ADGRD1: variants seen among roughly 807,000 people sequenced by gnomAD.
ADGRD1 encodes adhesion G protein-coupled receptor D1.
ADGRD1 carries 77 observed loss-of-function variants against 113.4 expected under a neutral mutation model. That is an observed-to-expected ratio of 0.68 (90% CI 0.57 to 0.82). The LOEUF (loss-of-function observed/expected upper bound fraction) is 0.82, where lower values mean the gene tolerates loss of function less well. Ranked by LOEUF, ADGRD1 falls within the 40% of genes least tolerant of loss-of-function variation. The pLI is 0.00. For synonymous variants in ADGRD1, 474 were observed against 475.0 expected, an observed-to-expected ratio of 1.00 and a Z score of 0.03; for missense variants, 1,036 against 1,139.1, an observed-to-expected ratio of 0.91 and a Z score of 1.30.
chr12:131,073,886 A>G lies in ADGRD1; in HGVS notation c.1474-2915A>G, dbSNP rs547496098. 5.8e-4 allele frequency among the ~76,000 whole-genome samples: 88 copies of G among 152,296 alleles called. No individual in the cohort carries two copies. The South Asian group carries it at 7.7e-3, about 13-fold the overall frequency. On this transcript the variant is annotated intron_variant, in intron 13 of 24. Transcript: ENST00000261654. ...ACTCCCATAACAGTGACATTAATCC[A>G]TTCCTGAGGGCTCAGCCCTCATGAC...
At chr12:131,014,381 T>A in intron 13 of ADGRD1, 41 bp downstream of exon 13, 1 of 1,581,010 alleles carries the variant, frequency 6.3e-7, no homozygotes, top group Non-Finnish European at 8.6e-7. Flanking sequence ...GCCTTTGATC[T>A]GGTTTCACAC....
chr12:130,965,069 C>T lies in ADGRD1; in HGVS notation c.104-1394C>T, dbSNP rs1470769837. On this transcript the variant is annotated intron_variant, in intron 2 of 24. Transcript: ENST00000261654. This position sits in a 1 kb window ranked among gnomAD's most constrained non-coding sequence, Gnocchi z 4.8. Reference sequence around the variant, plus strand: ...ATGCATTCGAGGGTGCTTTCACATCCCTCAGAATTATTATTTTTTATTTTC... The same window carrying T: ...ATGCATTCGAGGGTGCTTTCACATCTCTCAGAATTATTATTTTTTATTTTC... Among the ~76,000 whole-genome samples the T allele has an allele frequency of 6.6e-6, 1 of 152,122 alleles. No individual in the cohort carries two copies. The highest frequency in any genetic ancestry group is 2.4e-5 in the African/African-American group (1 of 41,428).
chr12:131,129,034 T>C (rs1950826247), intron 20 of ADGRD1, among the ~76,000 whole-genome samples: 1 of 80,806 alleles, frequency 1.2e-5, no homozygotes, highest in Admixed American at 1.4e-4. Context: ...CCCGCCCTGC[T>C]GTCTGGTGTG....
At chr12:131,094,123 T>C (rs1727360) in intron 15 of ADGRD1, among the ~76,000 whole-genome samples, 1 of 133,410 alleles carries the variant, frequency 7.5e-6, no homozygotes. Flanking sequence ...CCAGCCTCGG[T>C]ACCCAGCCCT....
In ADGRD1 at chr12:131,135,983, C is replaced by T. The variant is rs937516600; in HGVS notation, c.2268-54C>T. On this transcript the variant is annotated intron_variant, in intron 21 of 24. Transcript: ENST00000261654. ...CCTGGCGTCTCGAGGGCAGTCCTCACAGCCTGCACCTGCCCTCCTGCCACT... is the reference window on the plus strand; with the variant it reads ...CCTGGCGTCTCGAGGGCAGTCCTCATAGCCTGCACCTGCCCTCCTGCCACT... The T allele has an allele frequency of 1.6e-5, 25 of 1,604,460 alleles. No individual in the cohort carries two copies. The South Asian group carries it at 2.0e-4, about 13-fold the overall frequency.
At position 130,999,577 on chromosome 12, in the gene ADGRD1, C is replaced by T. The variant is rs140162146; in HGVS notation, c.967-806C>T. Among the ~76,000 whole-genome samples the T allele has an allele frequency of 2.1e-3, 326 of 152,264 alleles. 1 individual carries two copies. Among genetic ancestry groups the T allele is most frequent in the African/African-American group, 7.2e-3 (300 of 41,560 alleles). Reference sequence around the variant, plus strand: ...GGTTTGGTGGAAATATGGGAGAGTTCGGTCAGCCTCTAAGTTTAATTCTGA... The same window carrying T: ...GGTTTGGTGGAAATATGGGAGAGTTTGGTCAGCCTCTAAGTTTAATTCTGA... On this transcript the variant is annotated intron_variant, in intron 8 of 24. Coordinates refer to ENST00000261654, the MANE Select transcript of ADGRD1 (RefSeq NM_198827.5).
chr12:131,114,633 A>G (rs1229616243), intron 18 of ADGRD1, among the ~76,000 whole-genome samples: 4 of 152,084 alleles, frequency 2.6e-5, no homozygotes, highest in Non-Finnish European at 4.4e-5. Context: ...CACCCAGAGC[A>G]TGGTGGGGGG....
At chr12:131,067,548 G>T (rs974713140) in intron 13 of ADGRD1, among the ~76,000 whole-genome samples, 21 of 149,192 alleles carry the variant, frequency 1.4e-4, no homozygotes, top group African/African-American at 5.2e-4. Flanking sequence ...AGCAGGGGCT[G>T]CCCTCTGCCT....
intron 4 of ADGRD1, among the ~76,000 whole-genome samples, chr12:130,979,817 T>TCTCACACACACACA (rs1491498051): frequency 3.5e-4 from 19 of 53,842 alleles, no homozygotes; most frequent in East Asian, 1.7e-3. Context: ...AGCTAGTGTC[T>TCTCACACACACACA]CACACACACA....
chr12:131,012,909 G>A (rs1036268634), intron 12 of ADGRD1, among the ~76,000 whole-genome samples: 35 of 152,174 alleles, frequency 2.3e-4, no homozygotes, highest in African/African-American at 6.5e-4. Context: ...CGGGGGGCCC[G>A]GTGACAGCAC....
chr12:131,021,944 C>T (rs952667601), intron 13 of ADGRD1, among the ~76,000 whole-genome samples: 3 of 152,118 alleles, frequency 2.0e-5, no homozygotes, highest in Non-Finnish European at 4.4e-5. Context: ...TGGGCTCAGG[C>T]GATTCTGCCT....
At position 131,009,087 on chromosome 12, in the gene ADGRD1, C is replaced by T. The variant is rs148029360; in HGVS notation, c.1331+3040C>T. On this transcript the variant is annotated intron_variant, in intron 12 of 24. Coordinates refer to ENST00000261654, the MANE Select transcript of ADGRD1 (RefSeq NM_198827.5). The stretch of plus-strand genomic sequence containing the variant: ...CTGCAGAGTCCTAGCTGTACCAGGT[C>T]GGAGGGTGCCTGGTGATGGGGATGT... Among the ~76,000 whole-genome samples the T allele has an allele frequency of 3.8e-3, 578 of 152,298 alleles. 1 individual carries two copies. The highest frequency in any genetic ancestry group is 0.011 in the South Asian group (51 of 4,822).
chr12:130,958,408 C>T (rs2136465866), intron 2 of ADGRD1, among the ~76,000 whole-genome samples: 1 of 152,158 alleles, frequency 6.6e-6, no homozygotes, highest in African/African-American at 2.4e-5. Flanking sequence ...CCATGTTGAC[C>T]AGGCTGGTCT....
Position 131,094,711 on chromosome 12 carries a change from C to T in ADGRD1, c.1671+10048C>T, listed in dbSNP as rs986011773. Among the ~76,000 whole-genome samples, 3 of 152,238 alleles carry T rather than the reference C, an allele frequency of 2.0e-5. No homozygotes were observed. The South Asian group carries it at 6.2e-4, about 32-fold the overall frequency. ...TCACCATCCCTTCTGATTTCCCAGC[C>T]TGTGCAGTTCTTCCAGAAGGAGAGG... On this transcript the variant is annotated intron_variant, in intron 15 of 24. Transcript: ENST00000261654.
chr12:130,979,817 T>TCACACACACACACACACA (rs10526212), intron 4 of ADGRD1, among the ~76,000 whole-genome samples: 118 of 53,922 alleles, frequency 2.2e-3, no homozygotes, highest in East Asian at 0.013. Flanking sequence ...AGCTAGTGTC[T>TCACACACACACACACACA]CACACACACA....
chr12:130,956,013 T>G (rs971247671), intron 2 of ADGRD1, among the ~76,000 whole-genome samples: 2 of 152,224 alleles, frequency 1.3e-5, no homozygotes, highest in African/African-American at 4.8e-5. Context: ...GGTCTCGATC[T>G]CCTGACCTCG....
Position 130,987,202 on chromosome 12 carries a change from G to C in ADGRD1, c.598G>C (p.Asp200His). 6.2e-7 allele frequency: 1 copy of C among 1,614,236 alleles called. No individual in the cohort carries two copies. Among genetic ancestry groups the C allele is most frequent in the South Asian group, 1.1e-5 (1 of 91,086 alleles). The change falls in exon 6 of 25, where the codon GAC becomes CAC. Residue 200 changes from aspartate (D) to histidine (H), a missense_variant. Transcript: ENST00000261654. ...TGATCCGAGTGGAAAAGTGTCTCGT[G>C]ACTATGGAGAGTCCAACGTCAACCT... ...TSDPSGKVSR[D>H]YGESNVNLVI...
intron 4 of ADGRD1, among the ~76,000 whole-genome samples, chr12:130,972,674 C>T (rs1196939618): frequency 6.0e-5 from 9 of 151,246 alleles, no homozygotes; most frequent in South Asian, 2.1e-4. Flanking sequence ...GCGAGGAGGA[C>T]GGGAGAGTAA....
intron 2 of ADGRD1, chr12:130,957,656 C>T (rs1869816891): frequency 6.6e-6 from 1 of 152,236 alleles, no homozygotes; most frequent in Non-Finnish European, 1.5e-5. Context: ...GTCTTTGTTC[C>T]ATATAGAAGC....
Sources: gnomAD v4.1 joint callset for allele counts (sites outside exome capture counted in the v4.1 genomes callset) on GRCh38, gnomAD v4.1.1 for gene constraint, Gnocchi (gnomAD v3.1) non-coding constraint, MANE v1.5 for transcripts, NCBI Gene and HGNC (gene_info 2026-07-23, HGNC 2026-07-21) for gene names.